IQCN: variants seen among roughly 807,000 people sequenced by gnomAD.
The protein encoded by IQCN is IQ domain-containing protein N.
IQCN carries 46 observed loss-of-function variants against 64.4 expected under a neutral mutation model. The ratio of observed to expected loss-of-function variants is 0.71; its 90% CI spans 0.56 to 0.91. IQCN has a LOEUF of 0.91. Among genes scored for constraint, IQCN ranks in the 40% least tolerant of loss-of-function variants. The pLI is 0.00. For missense variants in IQCN, 1,753 were observed against 1,857.4 expected (o/e 0.94, Z 1.03); for synonymous variants, 733 against 775.6 (o/e 0.95, Z 0.91).
rs767214108 is a variant in IQCN, at chr19:18,265,006, T to C, written c.2534A>G (p.Asn845Ser). 5 of 1,604,440 alleles carry C rather than the reference T, an allele frequency of 3.1e-6. No individual in the cohort carries two copies. The African/African-American group carries it at 5.3e-5, about 17-fold the overall frequency. The change falls in exon 3 of 4, where the codon AAC (asparagine) becomes AGC (serine). Residue 845 changes from asparagine to serine, a missense_variant. By Grantham distance (46) the Asn-to-Ser change is conservative. Coordinates refer to ENST00000392413, the MANE Select transcript of IQCN (RefSeq NM_001145304.2). This position sits in a 1 kb window ranked among gnomAD's most constrained non-coding sequence, Gnocchi z 4.7. ...TCCGTTGTCTCCCCAGGACTCAACG[T>C]TGCATGTGGAATGGCCGGTGGGTGC... ...PMAPTGHSTC[N>S]VESWGDNGAT...
rs1969578443 is a variant in IQCN at position 18,266,219 on chromosome 19, G to A, written c.1321C>T (p.Leu441=). ...VSLLASIMKS[L]PQVCPGPAMA... ...GCAGGCCCCGGGCATACCTGGGGCA[G>A]GCTCTTCATGATGGAAGCCAGAAGG... The change falls in exon 3 of 4, where the codon CTG becomes TTG. Residue 441 remains leucine (L), a synonymous_variant. Coordinates refer to ENST00000392413, the MANE Select transcript of IQCN (RefSeq NM_001145304.2). The surrounding 1 kb of genome is among the most constrained non-coding windows in gnomAD (Gnocchi z 4.3). The A allele has an allele frequency of 6.2e-7, 1 of 1,613,950 alleles. No homozygotes were observed. The highest frequency in any genetic ancestry group is 8.5e-7 in the Non-Finnish European group (1 of 1,180,014).
chr19:18,269,151 G>A (rs925038238), intron 2 of IQCN, among the ~76,000 whole-genome samples: 4 of 151,106 alleles, frequency 2.6e-5, no homozygotes, highest in Admixed American at 6.6e-5. Flanking sequence ...AAAGAAGGAA[G>A]GAAGCAAGGG....
In IQCN at chr19:18,264,929, C is replaced by A. The variant is rs766363898; in HGVS notation, c.2611G>T (p.Asp871Tyr). Residue 871 changes from aspartate (D) to tyrosine (Y), a missense_variant, in exon 3 of 4, where the codon GAC (aspartate) becomes TAC (tyrosine). Coordinates refer to ENST00000392413, the MANE Select transcript of IQCN (RefSeq NM_001145304.2). This position sits in a 1 kb window ranked among gnomAD's most constrained non-coding sequence, Gnocchi z 4.3. ...MPGQAVPCQEDTVGSLLASLC... is the reference protein window; with the variant it reads ...MPGQAVPCQEYTVGSLLASLC... ...GAGGCCAGCAGGGAGCCTACCGTGT[C>A]CTCCTGGCAGGGCACCGCCTGGCCG... 8.7e-6 allele frequency: 14 copies of A among 1,612,954 alleles called. No individual in the cohort carries two copies. The East Asian group carries it at 2.9e-4, about 33-fold the overall frequency.
intron 3 of IQCN, chr19:18,259,719 A>G (rs1470166514): frequency 6.6e-6 from 1 of 152,304 alleles, no homozygotes; most frequent in Non-Finnish European, 1.5e-5. Context: ...CCAGCAGTCT[A>G]TGTTTTTTGG....
intron 2 of IQCN, 91 bp downstream of exon 2, chr19:18,269,375 C>G (rs1363543212): frequency 7.5e-7 from 1 of 1,338,620 alleles, no homozygotes; most frequent in East Asian, 2.3e-5. Context: ...CACCCTGATG[C>G]ATAGCCTGGA....
At position 18,264,849 on chromosome 19, in the gene IQCN, C is replaced by T. The variant is rs12608843; in HGVS notation, c.2691G>A (p.Leu897=). Residue 897 remains leucine, a synonymous_variant, in exon 3 of 4, where the codon CTG becomes CTA. Transcript: ENST00000392413. The surrounding 1 kb of genome is among the most constrained non-coding windows in gnomAD (Gnocchi z 4.3). ...VLASQEDLRT[L]LAKALSQGEV... is the part of the protein sequence containing the mutation. ...CTCCCTGGGAGAGGGCTTTGGCCAA[C>T]AGAGTGCGGAGATCCTCCTGGGATG... 393,476 of 1,594,314 alleles carry T rather than the reference C, an allele frequency of 0.25. 50,833 individuals carry two copies. Among genetic ancestry groups the T allele is most frequent in the Admixed American group, 0.35 (19,625 of 56,336 alleles).
intron 3 of IQCN, among the ~76,000 whole-genome samples, chr19:18,262,897 GCT>G (rs895920423): frequency 7.9e-5 from 12 of 152,288 alleles, no homozygotes; most frequent in East Asian, 3.9e-4. Flanking sequence ...GTCCTCCTCA[GCT>G]CTGTCTTGAC....
intron 3 of IQCN, chr19:18,260,419 G>C (rs1969400125): frequency 6.6e-6 from 1 of 152,586 alleles, no homozygotes; most frequent in Non-Finnish European, 1.5e-5. Flanking sequence ...GAACACTGCA[G>C]ATTTGAATCC....
chr19:18,258,574 A>AC (rs1969364998), intron 3 of IQCN: 1 of 374,180 alleles, frequency 2.7e-6, no homozygotes, highest in Non-Finnish European at 5.3e-6. Context: ...AAGGGACTGG[A>AC]CAATGCCCTT....
intron 2 of IQCN, among the ~76,000 whole-genome samples, chr19:18,268,131 G>A (rs934744077): frequency 2.0e-5 from 3 of 150,930 alleles, no homozygotes; most frequent in Non-Finnish European, 4.4e-5. Context: ...TGTACCCTGG[G>A]TTTAGCACTG....
Position 18,265,640 on chromosome 19 carries a change from A to G in IQCN, c.1900T>C (p.Trp634Arg). 6.2e-7 allele frequency: 1 copy of G among 1,614,110 alleles called. No individual in the cohort carries two copies. Among genetic ancestry groups the G allele is most frequent in the East Asian group, 2.2e-5 (1 of 44,878 alleles). Residue 634 changes from tryptophan to arginine, a missense_variant, in exon 3 of 4, where the codon TGG (tryptophan) becomes CGG (arginine). Coordinates refer to ENST00000392413, the MANE Select transcript of IQCN (RefSeq NM_001145304.2). The surrounding 1 kb of genome is among the most constrained non-coding windows in gnomAD (Gnocchi z 4.7). ...VAVEMAGAPS[W>R]TKVAEEGDKP... is the part of the protein sequence containing the mutation. ...TCCCCTTCCTCAGCAACTTTTGTCC[A>G]GGATGGAGCCCCAGCCATTTCCACT...
rs74509514 is a variant in IQCN at position 18,258,145 on chromosome 19, C to T, written c.3178-39G>A. 6.1e-3 allele frequency: 9,745 copies of T among 1,596,568 alleles called. 690 individuals are homozygous for T. In the Admixed American group the frequency reaches 0.13, roughly 22 times the overall value. On this transcript the variant is annotated intron_variant, in intron 3 of 3. Coordinates refer to ENST00000392413, the MANE Select transcript of IQCN (RefSeq NM_001145304.2). ...GAGTTCAGGGATGCCTTGTGACTAACGGCAGGATTCTGGGGGCTATAGGAG... is the reference window on the plus strand; with the variant it reads ...GAGTTCAGGGATGCCTTGTGACTAATGGCAGGATTCTGGGGGCTATAGGAG...
Position 18,267,259 on chromosome 19 carries a change from A to G in IQCN, c.281T>C (p.Ile94Thr), listed in dbSNP as rs781475801. The change falls in exon 3 of 4, where the codon ATC becomes ACC. Residue 94 changes from isoleucine to threonine, a missense_variant. Physicochemically the swap from Ile to Thr is moderately conservative, Grantham distance 89. Transcript: ENST00000392413. ...AVVESQAFKN[I>T]LVDEMDMMHA... Reference sequence around the variant, plus strand: ...CATCATGTCCATCTCGTCTACCAGGATGTTCTTGAAGGCCTGGCTCTCGAC... The same window carrying G: ...CATCATGTCCATCTCGTCTACCAGGGTGTTCTTGAAGGCCTGGCTCTCGAC... 5 of 1,614,212 alleles carry G rather than the reference A, an allele frequency of 3.1e-6. No individual in the cohort carries two copies. Among genetic ancestry groups the G allele is most frequent in the South Asian group, 1.1e-5 (1 of 91,086 alleles).
rs769789920 is a variant in IQCN at position 18,264,157 on chromosome 19, G to C, written c.3177+206C>G. Among the ~76,000 whole-genome samples the C allele has an allele frequency of 6.6e-6, 1 of 152,082 alleles. No individual in the cohort carries two copies. Among genetic ancestry groups the C allele is most frequent in the Non-Finnish European group, 1.5e-5 (1 of 67,998 alleles). Reference sequence around the variant, plus strand: ...TCCCTGCTGGACTCCATCATCTCCCGGGACAGCATGGGATACAGGCCAGTG... The same window carrying C: ...TCCCTGCTGGACTCCATCATCTCCCCGGACAGCATGGGATACAGGCCAGTG... On this transcript the variant is annotated intron_variant, in intron 3 of 3. Transcript: ENST00000392413. The surrounding 1 kb of genome is among the most constrained non-coding windows in gnomAD (Gnocchi z 4.3).
chr19:18,272,976 G>T (rs567176256), intron 1 of IQCN, among the ~76,000 whole-genome samples: 1 of 152,042 alleles, frequency 6.6e-6, no homozygotes, highest in Non-Finnish European at 1.5e-5. Context: ...ATATTGAAAG[G>T]GTCCATTCGG....
In IQCN at chr19:18,264,357, C is replaced by A. The variant is rs1426479801; in HGVS notation, c.3177+6G>T. On this transcript the variant is annotated splice_donor_region_variant and intron_variant, in intron 3 of 3. Transcript: ENST00000392413. This position sits in a 1 kb window ranked among gnomAD's most constrained non-coding sequence, Gnocchi z 4.3. ...AACCCCAGATCCCAACCTGGGAATC[C>A]CTGACCTTGCTGGTCTGTGGTCTCA... The A allele has an allele frequency of 1.0e-5, 15 of 1,464,854 alleles. No individual in the cohort carries two copies. The highest frequency in any genetic ancestry group is 2.8e-5 in the African/African-American group (2 of 70,572). 90.7% of individuals were successfully genotyped at this position (1,464,854 alleles called of 1,614,324 possible).
In IQCN at chr19:18,266,278, G is replaced by A. The variant is rs568188509; in HGVS notation, c.1262C>T (p.Ala421Val). 9.7e-5 allele frequency: 157 copies of A among 1,613,362 alleles called. 2 individuals are homozygous for A. The South Asian group carries it at 1.5e-3, about 15-fold the overall frequency. Residue 421 changes from alanine to valine, a missense_variant, in exon 3 of 4, where the codon GCG becomes GTG. Physicochemically the swap from Ala to Val is moderately conservative, Grantham distance 64. Transcript: ENST00000392413. This position sits in a 1 kb window ranked among gnomAD's most constrained non-coding sequence, Gnocchi z 4.3. ...RTGTPRQTCP[A>V]TITAKNRPQV... ...AGGTCGGTTCTTTGCCGTGATGGTC[G>A]CAGGGCATGTCTGCCGTGGGGTGCC...
In IQCN at chr19:18,265,995, G is replaced by A. The variant is rs199852252; in HGVS notation, c.1545C>T (p.Leu515=). 5.6e-6 allele frequency: 9 copies of A among 1,613,982 alleles called. No homozygotes were observed. Among genetic ancestry groups the A allele is most frequent in the South Asian group, 1.1e-5 (1 of 91,080 alleles). Residue 515 remains leucine, a synonymous_variant, in exon 3 of 4, where the codon CTC becomes CTT. Coordinates refer to ENST00000392413, the MANE Select transcript of IQCN (RefSeq NM_001145304.2). The surrounding 1 kb of genome is among the most constrained non-coding windows in gnomAD (Gnocchi z 4.7). ...TTGGAGAGGCCAGACACAGAGTCTT[G>A]AGGATGGTGGCCACCGAGCGTAACT... ...PAQLRSVATI[L]KTLCLASPTV...
rs942341949 is a variant in IQCN, at chr19:18,267,185, G to C, written c.355C>G (p.Leu119Val). The C allele has an allele frequency of 6.2e-7, 1 of 1,614,276 alleles. No individual in the cohort carries two copies. Among genetic ancestry groups the C allele is most frequent in the Non-Finnish European group, 8.5e-7 (1 of 1,180,058 alleles). ...LIQANWRGYW[L>V]RQKLISQMMA... ...ATCTGGGAAATCAGCTTCTGCCGGA[G>C]CCAATAGCCCCTCCAGTTGGCTTGG... Residue 119 changes from leucine (L) to valine (V), a missense_variant, in exon 3 of 4, where the codon CTC becomes GTC. Physicochemically the swap from Leu to Val is conservative, Grantham distance 32. Transcript: ENST00000392413.
Sources: allele counts gnomAD v4.1 joint callset (sites outside exome capture counted in the v4.1 genomes callset), GRCh38; gene constraint gnomAD v4.1.1; non-coding constraint Gnocchi (gnomAD v3.1); transcripts MANE v1.5; gene names NCBI Gene and HGNC (gene_info 2026-07-23, HGNC 2026-07-21).